The following KIF6 variants were observed in gnomAD, a reference collection of about 807,000 sequenced individuals.
The protein encoded by KIF6 is kinesin family member 6.
In KIF6, 106 loss-of-function variants were observed where a neutral mutation model predicts 112.7. That is an observed-to-expected ratio of 0.94 (90% CI 0.80 to 1.11). The LOEUF is 1.11. Ranked by LOEUF, KIF6 falls within the 50% of genes least tolerant of loss-of-function variation. KIF6 has a pLI of 0.00. For synonymous variants in KIF6, 339 were observed against 339.9 expected, an observed-to-expected ratio of 1.00 and a Z score of 0.03; for missense variants, 929 against 964.0, an observed-to-expected ratio of 0.96 and a Z score of 0.48.
At chr6:39,450,205 C>T (rs1772598463) in intron 13 of KIF6, among the ~76,000 whole-genome samples, 1 of 152,140 alleles carries the variant, frequency 6.6e-6, no homozygotes, top group Non-Finnish European at 1.5e-5. Context: ...TTTCAGAATG[C>T]TATGGGGTCA....
intron 5 of KIF6, among the ~76,000 whole-genome samples, chr6:39,633,148 C>A (rs924919139): frequency 3.3e-5 from 5 of 151,670 alleles, no homozygotes; most frequent in Non-Finnish European, 5.9e-5. Flanking sequence ...CAGAATAAGT[C>A]CTTAATAACT....
At chr6:39,592,425 T>G (rs1015462129) in intron 7 of KIF6, among the ~76,000 whole-genome samples, 1 of 152,204 alleles carries the variant, frequency 6.6e-6, no homozygotes, top group African/African-American at 2.4e-5. Context: ...CTTTTTCTCC[T>G]AAACACAACA....
intron 3 of KIF6, among the ~76,000 whole-genome samples, chr6:39,663,484 G>C (rs469417): frequency 0.96 from 146,100 of 152,102 alleles, 70,391 homozygotes; most frequent in East Asian, 1. Context: ...GAAACCAAAG[G>C]CAGAAGCATG....
chr6:39,620,293 T>C (rs2150733584), intron 5 of KIF6: 1 of 152,248 alleles, frequency 6.6e-6, no homozygotes, highest in East Asian at 1.9e-4. Context: ...CAAAGGAAGT[T>C]TTCTCCCATT....
chr6:39,466,476 T>C (rs2150432191), intron 13 of KIF6, among the ~76,000 whole-genome samples: 1 of 152,340 alleles, frequency 6.6e-6, no homozygotes, highest in African/African-American at 2.4e-5. Flanking sequence ...CTGAAAATTG[T>C]CTAAAGGCAC....
chr6:39,594,415 T>C (rs1782129371), intron 7 of KIF6, among the ~76,000 whole-genome samples: 1 of 152,208 alleles, frequency 6.6e-6, no homozygotes, highest in Non-Finnish European at 1.5e-5. Flanking sequence ...TTCATATCAA[T>C]GTTCTATAAG....
intron 3 of KIF6, among the ~76,000 whole-genome samples, chr6:39,680,098 T>C (rs1032690113): frequency 6.6e-6 from 1 of 151,720 alleles, no homozygotes; most frequent in African/African-American, 2.4e-5. Flanking sequence ...AACCTCCACT[T>C]CCCGGGTTGA....
intron 3 of KIF6, among the ~76,000 whole-genome samples, chr6:39,647,000 G>A (rs1226499281): frequency 6.6e-6 from 1 of 152,114 alleles, no homozygotes; most frequent in African/African-American, 2.4e-5. Flanking sequence ...AGAGAAATAC[G>A]GTAAATGACT....
chr6:39,495,848 G>A (rs1445956859), intron 13 of KIF6, among the ~76,000 whole-genome samples: 1 of 152,150 alleles, frequency 6.6e-6, no homozygotes, highest in African/African-American at 2.4e-5. Context: ...AGGGGATGGA[G>A]GAGGGAGCCC....
At position 39,662,804 on chromosome 6, in the gene KIF6, G is replaced by C. The variant is rs149717129; in HGVS notation, c.252-23047C>G. ...CCTGGCGTACCCCAATGTCTTCAGA[G>C]CCAAAAATTGTCTGCACACACACAT... On this transcript the variant is annotated intron_variant, in intron 3 of 22. Coordinates refer to ENST00000287152, the MANE Select transcript of KIF6 (RefSeq NM_145027.6). Among the ~76,000 whole-genome samples the C allele has an allele frequency of 2.6e-4, 39 of 152,230 alleles. No individual in the cohort carries two copies. In the East Asian group the frequency reaches 5.4e-3, roughly 21 times the overall value.
chr6:39,563,249 A>T (rs1780104657), intron 10 of KIF6, among the ~76,000 whole-genome samples: 1 of 152,194 alleles, frequency 6.6e-6, no homozygotes. Context: ...CAAAAAGAAA[A>T]GAAAATTTAG....
At chr6:39,585,054 C>A (rs146845078) in intron 8 of KIF6, 70 bp from the exon 9 acceptor site, 78 of 891,816 alleles carry the variant, frequency 8.7e-5, no homozygotes, top group South Asian at 2.6e-4. Context: ...TAAAACTTAT[C>A]TTTTATTCAC....
intron 13 of KIF6, among the ~76,000 whole-genome samples, chr6:39,471,284 C>T (rs1449788092): frequency 1.3e-5 from 2 of 152,120 alleles, no homozygotes; most frequent in African/African-American, 4.8e-5. Flanking sequence ...GTGTCTTGTG[C>T]TTCCTCCTCT....
At chr6:39,495,999 G>C (rs1351978819) in intron 13 of KIF6, among the ~76,000 whole-genome samples, 1 of 152,180 alleles carries the variant, frequency 6.6e-6, no homozygotes, top group Non-Finnish European at 1.5e-5. Context: ...AGGCTGCTGT[G>C]GTCTGGAGAA....
chr6:39,538,173 T>G (rs193020904), intron 13 of KIF6, among the ~76,000 whole-genome samples: 16 of 151,522 alleles, frequency 1.1e-4, no homozygotes, highest in African/African-American at 3.4e-4. Context: ...ACTTCATGTC[T>G]AAAACACCAA....
At chr6:39,645,058 T>C (rs1431605753) in intron 3 of KIF6, among the ~76,000 whole-genome samples, 2 of 152,206 alleles carry the variant, frequency 1.3e-5, no homozygotes. Flanking sequence ...TGCTGCTTAA[T>C]TCATCTCAGC....
intron 13 of KIF6, among the ~76,000 whole-genome samples, chr6:39,495,517 C>T (rs1045941123): frequency 6.6e-6 from 1 of 152,154 alleles, no homozygotes; most frequent in Non-Finnish European, 1.5e-5. Context: ...CACCTCTTGC[C>T]TTATCCCAGC....
chr6:39,679,249 A>G (rs1332926012), intron 3 of KIF6, among the ~76,000 whole-genome samples: 1 of 152,218 alleles, frequency 6.6e-6, no homozygotes, highest in Non-Finnish European at 1.5e-5. Flanking sequence ...ATGAATTCAC[A>G]TGGCCAAATT....
chr6:39,524,970 A>C (rs1777624674), intron 13 of KIF6, among the ~76,000 whole-genome samples: 1 of 152,146 alleles, frequency 6.6e-6, no homozygotes, highest in South Asian at 2.1e-4. Flanking sequence ...CTGTGTTCTG[A>C]CTCAGGCTTA....
Sources: allele counts gnomAD v4.1 joint callset (sites outside exome capture counted in the v4.1 genomes callset), GRCh38; gene constraint gnomAD v4.1.1; transcripts MANE v1.5; gene names NCBI Gene and HGNC (gene_info 2026-07-23, HGNC 2026-07-21).